ZFHX3: variants seen among roughly 807,000 people sequenced by gnomAD.
The protein encoded by ZFHX3 is zinc finger homeobox protein 3.
Under a neutral mutation model 279.1 loss-of-function variants are expected in ZFHX3, and 42 were observed. That is an observed-to-expected ratio of 0.15 (90% CI 0.12 to 0.19). The LOEUF (loss-of-function observed/expected upper bound fraction) is 0.19, where lower values mean the gene tolerates loss of function less well. Among genes scored for constraint, ZFHX3 ranks in the 10% least tolerant of loss-of-function variants. The pLI, the probability that ZFHX3 is intolerant of heterozygous loss-of-function variation, is 1.00. For synonymous variants in ZFHX3, 2,293 were observed against 1,957.8 expected (o/e 1.17, Z -4.52); for missense variants, 4,981 against 4,754.0 (o/e 1.05, Z -1.40).
intron 2 of ZFHX3, among the ~76,000 whole-genome samples, chr16:72,956,421 C>T (rs936998699): frequency 7.9e-5 from 12 of 152,200 alleles, no homozygotes; most frequent in Admixed American, 2.0e-4. Flanking sequence ...CGGGTGGAGG[C>T]ACGAGTGGCC....
intron 7 of ZFHX3, among the ~76,000 whole-genome samples, chr16:73,117,573 A>C (rs1217804242): frequency 2.0e-5 from 3 of 152,234 alleles, no homozygotes; most frequent in Non-Finnish European, 2.9e-5. Context: ...TGGGGGGATG[A>C]GTATTGCTAA....
At chr16:73,434,790 A>G (rs930394123) in intron 3 of ZFHX3, among the ~76,000 whole-genome samples, 1 of 152,154 alleles carries the variant, frequency 6.6e-6, no homozygotes, top group African/African-American at 2.4e-5. Flanking sequence ...TGACTTCAAC[A>G]GTCCTCTAAG....
At position 72,797,296 on chromosome 16, in the gene ZFHX3, G is replaced by T; in HGVS notation, c.5386C>A (p.Leu1796Ile). The change falls in exon 9 of 10, where the codon CTC (leucine) becomes ATC (isoleucine). Residue 1796 changes from leucine (L) to isoleucine (I), a missense_variant. Leu to Ile is a conservative substitution (Grantham distance 5). Transcript: ENST00000268489. Reference protein sequence around the residue: ...TLLQLQQQQHLLFPFYIPSAE... With the variant: ...TLLQLQQQQHILFPFYIPSAE... ...CTGGGGATGTAGAAAGGGAAGAGGA[G>T]GTGCTGCTGCTGCTGTAGTTGCAGC... is the stretch of plus-strand genomic sequence containing the variant. 2 of 1,608,190 alleles carry T rather than the reference G, an allele frequency of 1.2e-6. No individual in the cohort carries two copies. Among genetic ancestry groups the T allele is most frequent in the Non-Finnish European group, 1.7e-6 (2 of 1,176,510 alleles).
At chr16:73,267,373 A>G (rs2014006059) in intron 4 of ZFHX3, among the ~76,000 whole-genome samples, 1 of 152,154 alleles carries the variant, frequency 6.6e-6, no homozygotes, top group African/African-American at 2.4e-5. Flanking sequence ...CTATGATGGA[A>G]CAGCTAGGTT....
chr16:73,644,049 C>T (rs1216382145), intron 2 of ZFHX3, among the ~76,000 whole-genome samples: 3 of 152,088 alleles, frequency 2.0e-5, no homozygotes, highest in African/African-American at 7.2e-5. Flanking sequence ...ATTCATCTTT[C>T]TGCAGGATGG....
intron 3 of ZFHX3, among the ~76,000 whole-genome samples, chr16:72,944,446 G>A (rs1169832152): frequency 1.3e-5 from 2 of 152,180 alleles, no homozygotes; most frequent in Non-Finnish European, 2.9e-5. Context: ...CAGTGGGTTT[G>A]CCTCTGGACA....
chr16:72,794,736 G>A lies in ZFHX3; in HGVS notation c.7946C>T (p.Thr2649Ile). 2 of 1,614,232 alleles carry A rather than the reference G, an allele frequency of 1.2e-6. No homozygotes were observed. Among genetic ancestry groups the A allele is most frequent in the Admixed American group, 1.7e-5 (1 of 60,028 alleles). The change falls in exon 9 of 10, where the codon ACA (threonine) becomes ATA (isoleucine). Residue 2649 changes from threonine to isoleucine, a missense_variant. Coordinates refer to ENST00000268489, the MANE Select transcript of ZFHX3 (RefSeq NM_006885.4). The surrounding 1 kb of genome is among the most constrained non-coding windows in gnomAD (Gnocchi z 4.2). ...QRDKRLRTTITPEQLEILYQK... is the reference protein window; with the variant it reads ...QRDKRLRTTIIPEQLEILYQK... Reference sequence around the variant, plus strand: ...GTAGAGAATTTCTAGTTGTTCCGGTGTGATGGTTGTTCTCAAACGCTTGTC... The same window carrying A: ...GTAGAGAATTTCTAGTTGTTCCGGTATGATGGTTGTTCTCAAACGCTTGTC...
At chr16:73,716,677 G>A (rs891348643) in intron 1 of ZFHX3, among the ~76,000 whole-genome samples, 3 of 149,994 alleles carry the variant, frequency 2.0e-5, no homozygotes, top group East Asian at 1.9e-4. Flanking sequence ...AGACCTAACC[G>A]CCCTCCTGTT....
intron 3 of ZFHX3, among the ~76,000 whole-genome samples, chr16:73,382,803 A>G (rs1230500141): frequency 6.6e-6 from 1 of 152,200 alleles, no homozygotes; most frequent in South Asian, 2.1e-4. Flanking sequence ...AACTTTCAAT[A>G]GAAACAAATG....
At chr16:73,781,256 A>G (rs1197465852) in intron 1 of ZFHX3, among the ~76,000 whole-genome samples, 1 of 152,190 alleles carries the variant, frequency 6.6e-6, no homozygotes, top group Non-Finnish European at 1.5e-5. Flanking sequence ...AAACTTCAAC[A>G]TTCATCAGAA....
At chr16:72,887,726 C>T (rs1245261960) in intron 4 of ZFHX3, among the ~76,000 whole-genome samples, 1 of 144,878 alleles carries the variant, frequency 6.9e-6, no homozygotes, top group Non-Finnish European at 1.5e-5. Context: ...GCAGATGGGG[C>T]GTGTGGGTGT....
chr16:72,877,355 T>C (rs1325015820), intron 4 of ZFHX3, among the ~76,000 whole-genome samples: 1 of 98,092 alleles, frequency 1.0e-5, no homozygotes, highest in African/African-American at 5.0e-5. Flanking sequence ...ACTGTGTAGG[T>C]TTTTCTGTTG....
chr16:73,686,886 G>A (rs2053090446), intron 1 of ZFHX3, among the ~76,000 whole-genome samples: 1 of 151,116 alleles, frequency 6.6e-6, no homozygotes, highest in Admixed American at 6.6e-5. Context: ...ACTGGTCTTG[G>A]TTCACCCTGT....
chr16:73,474,375 C>T (rs542370989), intron 2 of ZFHX3, among the ~76,000 whole-genome samples: 1 of 152,304 alleles, frequency 6.6e-6, no homozygotes, highest in Non-Finnish European at 1.5e-5. Flanking sequence ...TCTCGAACTC[C>T]TGACCTCAGG....
intron 3 of ZFHX3, among the ~76,000 whole-genome samples, chr16:73,408,965 A>G (rs2017416334): frequency 6.6e-6 from 1 of 152,092 alleles, no homozygotes; most frequent in African/African-American, 2.4e-5. Context: ...CTCTCTCCCC[A>G]TTCATTTCAG....
chr16:73,286,484 G>A (rs2014599440), intron 4 of ZFHX3, among the ~76,000 whole-genome samples: 1 of 152,148 alleles, frequency 6.6e-6, no homozygotes, highest in Admixed American at 6.6e-5. Flanking sequence ...GTTGGTGTAC[G>A]GGAAGAGTGT....
intron 4 of ZFHX3, among the ~76,000 whole-genome samples, chr16:73,275,665 T>C (rs1233098514): frequency 6.6e-6 from 1 of 152,222 alleles, no homozygotes; most frequent in African/African-American, 2.4e-5. Context: ...TACTGTCGTC[T>C]ATTGAGTGTG....
chr16:73,184,327 G>A (rs1489632527), intron 5 of ZFHX3, among the ~76,000 whole-genome samples: 2 of 152,252 alleles, frequency 1.3e-5, no homozygotes, highest in African/African-American at 2.4e-5. Context: ...TGCAGCCAAT[G>A]TGAATCCAAG....
rs76338555 is a variant in ZFHX3, at chr16:73,305,023, T to C, written c.-1194+13217A>G. Among the ~76,000 whole-genome samples, 1,208 of 152,178 alleles carry C rather than the reference T, an allele frequency of 7.9e-3. 58 individuals carry two copies. The East Asian group carries it at 0.13, about 16-fold the overall frequency. ...CCCTGCACTTACTGTCAGATCTCTT[T>C]ACCCCCTTGCCCCAGCAGAATGACA... On this transcript the variant is annotated intron_variant, in intron 4 of 17. Transcript: ENST00000641206.
Sources: gnomAD v4.1 joint callset for allele counts (sites outside exome capture counted in the v4.1 genomes callset) on GRCh38, gnomAD v4.1.1 for gene constraint, Gnocchi (gnomAD v3.1) non-coding constraint, MANE v1.5 for transcripts, NCBI Gene and HGNC (gene_info 2026-07-23, HGNC 2026-07-21) for gene names.